Variants in FDFT1 observed in about 807,000 individuals in gnomAD.
The protein encoded by FDFT1 is farnesyl-diphosphate farnesyltransferase 1, also known as squalene synthase.
Under a neutral mutation model 46.8 loss-of-function variants are expected in FDFT1, and 68 were observed. The ratio of observed to expected loss-of-function variants is 1.45; its 90% CI spans 1.19 to 1.78. The LOEUF (loss-of-function observed/expected upper bound fraction) is 1.78. Among genes scored for constraint, FDFT1 ranks in the 40% most tolerant of loss-of-function variants. The pLI, the probability that FDFT1 is intolerant of heterozygous loss-of-function variation, is 0.00. For synonymous variants in FDFT1, 351 were observed against 185.1 expected, an observed-to-expected ratio of 1.90 and a Z score of -7.28; for missense variants, 928 against 524.4, an observed-to-expected ratio of 1.77 and a Z score of -7.52.
intron 2 of FDFT1, chr8:11,809,253 T>A: frequency 8.7e-7 from 1 of 1,150,084 alleles, no homozygotes; most frequent in Non-Finnish European, 1.1e-6. Context: ...AAGCTGCCTC[T>A]GTGCACATTA....
intron 3 of FDFT1, among the ~76,000 whole-genome samples, chr8:11,816,476 G>A (rs78709955): frequency 2.6e-5 from 4 of 152,170 alleles, no homozygotes; most frequent in East Asian, 1.9e-4. Context: ...CCATTTTCAC[G>A]ATACTGATTC....
chr8:11,838,163 G>A (rs1453133946), intron 7 of FDFT1, among the ~76,000 whole-genome samples: 1 of 152,224 alleles, frequency 6.6e-6, no homozygotes, highest in East Asian at 1.9e-4. Context: ...ATGCACACCT[G>A]TGCCTCCTGT....
intron 3 of FDFT1, among the ~76,000 whole-genome samples, chr8:11,819,236 T>A (rs1014868788): frequency 3.9e-5 from 6 of 152,214 alleles, no homozygotes; most frequent in Non-Finnish European, 7.3e-5. Flanking sequence ...CTGATGGGCT[T>A]CCCTTTGTGG....
At chr8:11,808,404 G>C (rs1807177749) in intron 1 of FDFT1, 31 of 1,237,594 alleles carry the variant, frequency 2.5e-5, no homozygotes, top group Non-Finnish European at 2.9e-5. Flanking sequence ...GGCCCGTTGT[G>C]GGTCGGCCCA....
At chr8:11,812,459 G>C (rs965969249) in intron 3 of FDFT1, among the ~76,000 whole-genome samples, 1 of 152,146 alleles carries the variant, frequency 6.6e-6, no homozygotes, top group Non-Finnish European at 1.5e-5. Flanking sequence ...GAGAGAGCGG[G>C]ATTCAGGAAG....
chr8:11,829,137 T>G (rs571319437), intron 5 of FDFT1, among the ~76,000 whole-genome samples: 5 of 135,158 alleles, frequency 3.7e-5, no homozygotes, highest in Admixed American at 2.4e-4. Context: ...AGTCCCAGTT[T>G]CACCAGCACT....
chr8:11,825,609 T>C (rs1363216436), intron 4 of FDFT1, among the ~76,000 whole-genome samples: 2 of 151,090 alleles, frequency 1.3e-5, no homozygotes, highest in Non-Finnish European at 2.9e-5. Flanking sequence ...TCCCAGCTGT[T>C]CGGGAAGCTG....
chr8:11,797,869 A>C (rs1805726228), upstream of FDFT1: 1 of 152,224 alleles, frequency 6.6e-6, no homozygotes, highest in African/African-American at 2.4e-5. Context: ...GGGGACAATA[A>C]GTGCTGCTAG....
In FDFT1 at chr8:11,832,558, A is replaced by AAAAAAAAAAAAAAAAAG; in HGVS notation, c.1032+904_1032+905insGAAAAAAAAAAAAAAAA. Reference sequence around the variant, plus strand: ...TAGAGTGAGACTTTGTCTCAAAAAAAAAAAAAAAAAAAAAAAAAGTCTTAG... The same window carrying AAAAAAAAAAAAAAAAAG: ...TAGAGTGAGACTTTGTCTCAAAAAAAAAAAAAAAAAAAAAAAGAAAAAAAAAAAAAAAAAAGTCTTAG... On this transcript the variant is annotated intron_variant, in intron 7 of 7. Transcript: ENST00000220584. 1.4e-5 allele frequency among the ~76,000 whole-genome samples: 2 copies of AAAAAAAAAAAAAAAAAG among 144,134 alleles called. 1 individual carries two copies. Among genetic ancestry groups the AAAAAAAAAAAAAAAAAG allele is most frequent in the Non-Finnish European group, 3.1e-5 (2 of 64,748 alleles). The allele number at this position is 144,134 out of a possible 152,430, so 94.6% of individuals were successfully genotyped here.
intron 6 of FDFT1, among the ~76,000 whole-genome samples, chr8:11,830,979 T>G (rs1313349466): frequency 6.6e-6 from 1 of 152,218 alleles, no homozygotes; most frequent in African/African-American, 2.4e-5. Context: ...AATGACCAAC[T>G]TCGAATGGTG....
intron 1 of FDFT1, chr8:11,808,230 G>C (rs760927723): frequency 3.4e-6 from 4 of 1,184,756 alleles, no homozygotes; most frequent in Non-Finnish European, 4.2e-6. Flanking sequence ...AGCCCGAGTA[G>C]AGTTTGGTCT....
At chr8:11,820,966 T>C (rs746809265) in intron 3 of FDFT1, among the ~76,000 whole-genome samples, 31 of 152,226 alleles carry the variant, frequency 2.0e-4, no homozygotes, top group Non-Finnish European at 4.1e-4. Flanking sequence ...TGCTGGGAGC[T>C]GTAGACCAGA....
chr8:11,819,904 G>A lies in FDFT1; in HGVS notation c.382-1846G>A, dbSNP rs573811179. Among the ~76,000 whole-genome samples the A allele has an allele frequency of 2.6e-5, 4 of 152,238 alleles. No individual in the cohort carries two copies. In the South Asian group the frequency reaches 6.2e-4, roughly 24 times the overall value. Reference sequence around the variant, plus strand: ...TGTTCCTTTGCTGGTGAGGAGTTACGTTCCTTTGGAGGAGAAGAGGCGTTC... The same window carrying A: ...TGTTCCTTTGCTGGTGAGGAGTTACATTCCTTTGGAGGAGAAGAGGCGTTC... On this transcript the variant is annotated intron_variant, in intron 3 of 7. Transcript: ENST00000220584.
At chr8:11,805,323 T>C (rs868051665) in intron 1 of FDFT1, among the ~76,000 whole-genome samples, 1 of 152,340 alleles carries the variant, frequency 6.6e-6, no homozygotes, top group East Asian at 1.9e-4. Flanking sequence ...TTTAGTAAAC[T>C]TGATTTACAC....
intron 1 of FDFT1, among the ~76,000 whole-genome samples, chr8:11,805,492 T>C (rs1286526732): frequency 6.6e-6 from 1 of 152,232 alleles, no homozygotes; most frequent in Non-Finnish European, 1.5e-5. Flanking sequence ...GACTAATATC[T>C]TAAGTCTGTT....
chr8:11,815,734 A>AT (rs1480717944), intron 3 of FDFT1, among the ~76,000 whole-genome samples: 1 of 151,898 alleles, frequency 6.6e-6, no homozygotes, highest in African/African-American at 2.4e-5. Flanking sequence ...TTTCTTGTAA[A>AT]TTTTTTTTAA....
In FDFT1 at chr8:11,838,746, G is replaced by A. The variant is rs1249074500; in HGVS notation, c.*137G>A. 5.5e-6 allele frequency: 4 copies of A among 731,326 alleles called. No individual in the cohort carries two copies. Among genetic ancestry groups the A allele is most frequent in the Non-Finnish European group, 9.3e-6 (4 of 430,164 alleles). The allele number at this position is 731,326 out of a possible 1,614,324, so 45.3% of individuals were successfully genotyped here. A position where few individuals can be genotyped will look rare whatever the true frequency, so the allele number is the denominator to read the frequency against. On this transcript the variant is annotated 3_prime_UTR_variant, in exon 8 of 8. Coordinates refer to ENST00000220584, the MANE Select transcript of FDFT1 (RefSeq NM_004462.5). ...AACGCTGTGTGGCTGGGACCTTTAG[G>A]AAAGTGAAATGCAGGTGAGAAGAAC... is the stretch of plus-strand genomic sequence containing the variant.
At chr8:11,806,173 C>T (rs1208072624) in intron 1 of FDFT1, among the ~76,000 whole-genome samples, 1 of 152,114 alleles carries the variant, frequency 6.6e-6, no homozygotes, top group African/African-American at 2.4e-5. Flanking sequence ...TTCCTGACCA[C>T]CCCCACACCC....
chr8:11,815,133 G>A (rs28639426), intron 3 of FDFT1, among the ~76,000 whole-genome samples: 2,025 of 152,086 alleles, frequency 0.013, 38 homozygotes, highest in African/African-American at 0.046. Flanking sequence ...GTTTTCTGTC[G>A]TTGTGATACT....
Sources: allele counts gnomAD v4.1 joint callset (sites outside exome capture counted in the v4.1 genomes callset), GRCh38; gene constraint gnomAD v4.1.1; transcripts MANE v1.5; gene names NCBI Gene and HGNC (gene_info 2026-07-23, HGNC 2026-07-21).